DCUN1D1: variants seen among roughly 807,000 people sequenced by gnomAD.
DCUN1D1 encodes the protein DCN1-like protein 1.
DCUN1D1 carries 3 observed loss-of-function variants against 39.0 expected under a neutral mutation model. That is an observed-to-expected ratio of 0.08 (90% CI 0.04 to 0.20). The LOEUF is 0.20. Among genes scored for constraint, DCUN1D1 ranks in the 10% least tolerant of loss-of-function variants. The pLI is 1.00. For synonymous variants in DCUN1D1, 82 were observed against 96.3 expected (o/e 0.85, Z 0.87); for missense variants, 158 against 302.4 (o/e 0.52, Z 3.54).
chr3:182,961,421 T>C (rs750046380), intron 3 of DCUN1D1, 65 bp from the exon 4 acceptor site: 1 of 1,349,024 alleles, frequency 7.4e-7, no homozygotes, highest in African/African-American at 1.5e-5. Context: ...ACTTACTTAT[T>C]CCCATGAGGG....
intron 6 of DCUN1D1, among the ~76,000 whole-genome samples, chr3:182,946,448 T>C (rs560386041): frequency 6.6e-6 from 1 of 151,520 alleles, no homozygotes; most frequent in Non-Finnish European, 1.5e-5. Flanking sequence ...TCCCAGTTAC[T>C]TGAGAAGCTG....
intron 1 of DCUN1D1, chr3:182,980,090 C>G: frequency 1.1e-6 from 1 of 927,932 alleles, no homozygotes; most frequent in Non-Finnish European, 1.3e-6. Flanking sequence ...AACCCCAGAC[C>G]CCAGTCCCCG....
chr3:182,963,308 C>G (rs6443838), intron 3 of DCUN1D1, among the ~76,000 whole-genome samples: 2 of 152,034 alleles, frequency 1.3e-5, no homozygotes, highest in Non-Finnish European at 2.9e-5. Flanking sequence ...TTAGCTATTA[C>G]TATTCAATAG....
intron 2 of DCUN1D1, among the ~76,000 whole-genome samples, chr3:182,964,313 C>A (rs1727554127): frequency 1.3e-5 from 2 of 152,162 alleles, no homozygotes; most frequent in Admixed American, 6.5e-5. Context: ...CATACTTATA[C>A]ACATTCAGAA....
At chr3:182,979,595 C>CTTT (rs1553846257) in intron 1 of DCUN1D1, among the ~76,000 whole-genome samples, 23,127 of 134,188 alleles carry the variant, frequency 0.17, 4,435 homozygotes, top group African/African-American at 0.46. Flanking sequence ...CTGGAGAGGA[C>CTTT]TTTTTCCCCC....
upstream of DCUN1D1, among the ~76,000 whole-genome samples, chr3:182,983,729 C>T (rs1010509036): frequency 6.6e-6 from 1 of 152,034 alleles, no homozygotes; most frequent in Non-Finnish European, 1.5e-5. Context: ...AAAAGAGATT[C>T]CCTAGCTAGC....
intron 1 of DCUN1D1, among the ~76,000 whole-genome samples, chr3:182,979,118 C>T (rs1414772132): frequency 1.3e-5 from 2 of 152,194 alleles, no homozygotes; most frequent in East Asian, 1.9e-4. Context: ...GTTTAGACTG[C>T]CTGGTGGATC....
At chr3:182,961,048 A>G (rs1286502838) in intron 4 of DCUN1D1, among the ~76,000 whole-genome samples, 178 bp downstream of exon 4, 2 of 152,174 alleles carry the variant, frequency 1.3e-5, no homozygotes, top group Non-Finnish European at 2.9e-5. Flanking sequence ...CCCAGGGTAA[A>G]CTTACTCAAT....
At chr3:182,953,009 C>T (rs529049388) in intron 4 of DCUN1D1, among the ~76,000 whole-genome samples, 1 of 152,264 alleles carries the variant, frequency 6.6e-6, no homozygotes, top group South Asian at 2.1e-4. Context: ...ATAAAATTTG[C>T]ACTTCTTGTC....
At chr3:182,957,937 CAAAA>C (rs34998390) in intron 4 of DCUN1D1, among the ~76,000 whole-genome samples, 1 of 67,502 alleles carries the variant, frequency 1.5e-5, no homozygotes, top group Admixed American at 2.2e-4. Flanking sequence ...GACCCTGCAT[CAAAA>C]AAAAAAAAAA....
At chr3:182,977,374 A>G (rs560093068) in intron 1 of DCUN1D1, among the ~76,000 whole-genome samples, 55 of 152,348 alleles carry the variant, frequency 3.6e-4, no homozygotes, top group African/African-American at 1.2e-3. Flanking sequence ...TCTATGCTGG[A>G]TGAAACTTTA....
Position 182,968,725 on chromosome 3 carries a change from G to A in DCUN1D1, c.4-2972C>T, listed in dbSNP as rs187312510. Among the ~76,000 whole-genome samples, 470 of 151,782 alleles carry A rather than the reference G, an allele frequency of 3.1e-3. 3 individuals are homozygous for A. Among genetic ancestry groups the A allele is most frequent in the African/African-American group, 0.01 (418 of 41,358 alleles). On this transcript the variant is annotated intron_variant, in intron 1 of 6. Transcript: ENST00000292782. ...AGCGATTCTCCTGCCTCAGCCTCCC[G>A]AGTAGCTGGGATTACAGGCACGCAC... is the stretch of plus-strand genomic sequence containing the variant.
rs1726015140 is a variant in DCUN1D1, at chr3:182,939,115, A to T, written c.*5979T>A. The T allele has an allele frequency of 6.6e-6, 1 of 152,236 alleles. No individual in the cohort carries two copies. The highest frequency in any genetic ancestry group is 2.1e-4 in the South Asian group (1 of 4,836). 9.4% of individuals were successfully genotyped at this position (152,236 alleles called of 1,614,324 possible). ...GCTGAGGCCACTTGAAACTCACTCA[A>T]ACTGCACATCCAATCGATACACGAG... On this transcript the variant is annotated 3_prime_UTR_variant, in exon 7 of 7. Transcript: ENST00000292782.
At chr3:182,969,579 G>A (rs1280177656) in intron 1 of DCUN1D1, among the ~76,000 whole-genome samples, 1 of 152,132 alleles carries the variant, frequency 6.6e-6, no homozygotes, top group East Asian at 1.9e-4. Context: ...CTTATTTAAA[G>A]GGAATAAACT....
At chr3:182,958,269 CTTTTT>C (rs899373733) in intron 4 of DCUN1D1, among the ~76,000 whole-genome samples, 6 of 151,036 alleles carry the variant, frequency 4.0e-5, no homozygotes, top group Non-Finnish European at 7.4e-5. Flanking sequence ...CTACATTTTT[CTTTTT>C]TTTAATTAAT....
In DCUN1D1 at chr3:182,942,695, C is replaced by G. The variant is rs927441124; in HGVS notation, c.*2399G>C. 1.3e-4 allele frequency: 19 copies of G among 151,980 alleles called. No individual in the cohort carries two copies. The highest frequency in any genetic ancestry group is 4.6e-4 in the African/African-American group (19 of 41,330). 9.4% of individuals were successfully genotyped at this position (151,980 alleles called of 1,614,324 possible). On this transcript the variant is annotated 3_prime_UTR_variant, in exon 7 of 7. Coordinates refer to ENST00000292782, the MANE Select transcript of DCUN1D1 (RefSeq NM_020640.4). ...AGCAATTCAAGGGGCGTGTGTGTGT[C>G]TCTCCCTTTCTCTGTCAATCTCTCT...
intron 4 of DCUN1D1, among the ~76,000 whole-genome samples, chr3:182,950,475 C>G (rs1056320419): frequency 1.3e-5 from 2 of 151,846 alleles, no homozygotes; most frequent in African/African-American, 4.8e-5. Context: ...AAAAATCTTT[C>G]TTGGATCTTT....
chr3:182,976,777 T>C lies in DCUN1D1; in HGVS notation c.3+3710A>G, dbSNP rs180894667. 2.9e-4 allele frequency among the ~76,000 whole-genome samples: 44 copies of C among 152,344 alleles called. 1 individual carries two copies. Among genetic ancestry groups the C allele is most frequent in the African/African-American group, 1.0e-3 (42 of 41,578 alleles). ...CCAGAGTGAGGATTTTTGTCTCTTC[T>C]GTGATATATACATCCCTTCAGTGCC... On this transcript the variant is annotated intron_variant, in intron 1 of 6. Transcript: ENST00000292782.
At chr3:182,969,059 A>C (rs562601852) in intron 1 of DCUN1D1, among the ~76,000 whole-genome samples, 1 of 152,354 alleles carries the variant, frequency 6.6e-6, no homozygotes, top group African/African-American at 2.4e-5. Flanking sequence ...AGCTAAGCCA[A>C]GTGATATTGA....
Sources: gnomAD v4.1 joint callset for allele counts (sites outside exome capture counted in the v4.1 genomes callset) on GRCh38, gnomAD v4.1.1 for gene constraint, MANE v1.5 for transcripts, NCBI Gene and HGNC (gene_info 2026-07-23, HGNC 2026-07-21) for gene names.